The following SLC24A3 variants were observed in gnomAD, a reference collection of about 807,000 sequenced individuals.
SLC24A3 encodes the protein sodium/potassium/calcium exchanger 3.
In SLC24A3, 28 loss-of-function variants were observed where a neutral mutation model predicts 75.8. That is an observed-to-expected ratio of 0.37 (90% CI 0.27 to 0.51). The LOEUF is 0.51. SLC24A3 is among the 20% of genes least tolerant of loss of function. The probability of loss-of-function intolerance (pLI) is 0.94; values close to 1 mark genes in which losing one functional copy is unlikely to be tolerated. For synonymous variants in SLC24A3, 372 were observed against 334.1 expected (o/e 1.11, Z -1.24); for missense variants, 663 against 847.8 (o/e 0.78, Z 2.71).
At chr20:19,447,484 C>T (rs1002045798) in intron 2 of SLC24A3, among the ~76,000 whole-genome samples, 1 of 152,042 alleles carries the variant, frequency 6.6e-6, no homozygotes, top group African/African-American at 2.4e-5. Flanking sequence ...TGAACAGGTG[C>T]AGTTATGGGA....
At chr20:19,486,346 G>GA (rs1272207374) in intron 2 of SLC24A3, among the ~76,000 whole-genome samples, 1 of 152,200 alleles carries the variant, frequency 6.6e-6, no homozygotes, top group Non-Finnish European at 1.5e-5. Flanking sequence ...ACTGTGGTGT[G>GA]TCTTGATGGT....
At chr20:19,474,722 T>C (rs1221408999) in intron 2 of SLC24A3, among the ~76,000 whole-genome samples, 1 of 152,236 alleles carries the variant, frequency 6.6e-6, no homozygotes, top group Non-Finnish European at 1.5e-5. Context: ...GTTGGAATTT[T>C]TTTGTGTGTG....
intron 15 of SLC24A3, among the ~76,000 whole-genome samples, chr20:19,704,418 T>C: frequency 6.6e-6 from 1 of 152,188 alleles, no homozygotes; most frequent in East Asian, 1.9e-4. Flanking sequence ...CAACCAGGGC[T>C]TATTATGCAC....
chr20:19,362,497 T>G (rs2122342550), intron 2 of SLC24A3, among the ~76,000 whole-genome samples: 1 of 152,334 alleles, frequency 6.6e-6, no homozygotes, highest in South Asian at 2.1e-4. Flanking sequence ...CAAAGCAGAT[T>G]AAAGGGCCTG....
chr20:19,607,529 A>G (rs542794396), intron 6 of SLC24A3, among the ~76,000 whole-genome samples: 1 of 152,312 alleles, frequency 6.6e-6, no homozygotes, highest in East Asian at 1.9e-4. Flanking sequence ...TCATTAATGT[A>G]CCATTTCACC....
intron 1 of SLC24A3, among the ~76,000 whole-genome samples, chr20:19,263,862 T>G (rs936554521): frequency 4.6e-5 from 7 of 152,220 alleles, no homozygotes; most frequent in African/African-American, 1.4e-4. Flanking sequence ...CAGTTCTGTC[T>G]TTCTCACTGT....
chr20:19,480,408 C>A (rs1988034494), intron 2 of SLC24A3, among the ~76,000 whole-genome samples: 1 of 152,186 alleles, frequency 6.6e-6, no homozygotes, highest in Admixed American at 6.5e-5. Context: ...CCACTCTTAC[C>A]CAGCTGAGCC....
chr20:19,664,898 T>C (rs1318192649), intron 7 of SLC24A3, among the ~76,000 whole-genome samples: 2 of 152,206 alleles, frequency 1.3e-5, no homozygotes. Flanking sequence ...GGACACCAAA[T>C]TCGGAGCTGG....
At chr20:19,214,183 A>C (rs73277055) in intron 1 of SLC24A3, among the ~76,000 whole-genome samples, 1,628 of 152,242 alleles carry the variant, frequency 0.011, 27 homozygotes, top group African/African-American at 0.038. Flanking sequence ...AGACCGCTTG[A>C]CAGACTTCAT....
At chr20:19,257,929 C>T (rs1370596604) in intron 1 of SLC24A3, among the ~76,000 whole-genome samples, 2 of 152,164 alleles carry the variant, frequency 1.3e-5, no homozygotes, top group African/African-American at 4.8e-5. Flanking sequence ...GCACGTAAGC[C>T]GTCCTCTCAT....
In SLC24A3 at chr20:19,585,557, G is replaced by A; in HGVS notation, c.612+13G>A. ...CTTTGCTGGGCAGGTAAGACTGGCGGCTTCTTTGTGATGGCAAAATGTGAC... is the reference window on the plus strand; with the variant it reads ...CTTTGCTGGGCAGGTAAGACTGGCGACTTCTTTGTGATGGCAAAATGTGAC... On this transcript the variant is annotated intron_variant, in intron 6 of 16. Coordinates refer to ENST00000328041, the MANE Select transcript of SLC24A3 (RefSeq NM_020689.4). 6.2e-7 allele frequency: 1 copy of A among 1,611,178 alleles called. No individual in the cohort carries two copies. The highest frequency in any genetic ancestry group is 8.5e-7 in the Non-Finnish European group (1 of 1,178,296).
chr20:19,232,246 A>G (rs6081541), intron 1 of SLC24A3, among the ~76,000 whole-genome samples: 31,397 of 152,192 alleles, frequency 0.21, 3,607 homozygotes, highest in South Asian at 0.33. Flanking sequence ...ATTTCCATTT[A>G]AGGATCAAAC....
chr20:19,720,885 G>A, intron 16 of SLC24A3, 106 bp from the exon 17 acceptor site: 1 of 1,307,220 alleles, frequency 7.6e-7, no homozygotes, highest in Non-Finnish European at 1.1e-6. Context: ...CCTGCCCGAG[G>A]CCCATAGTCA....
At chr20:19,704,766 C>T (rs184554845) in intron 15 of SLC24A3, among the ~76,000 whole-genome samples, 63 of 152,092 alleles carry the variant, frequency 4.1e-4, no homozygotes, top group African/African-American at 1.3e-3. Flanking sequence ...GCAAAGGCGT[C>T]GAGGCAGGAT....
chr20:19,449,843 C>T (rs1987451035), intron 2 of SLC24A3, among the ~76,000 whole-genome samples: 1 of 152,186 alleles, frequency 6.6e-6, no homozygotes, highest in Non-Finnish European at 1.5e-5. Context: ...ATAGAGTGTT[C>T]ATTCCAGATA....
At chr20:19,693,617 A>C in intron 13 of SLC24A3, 192 bp downstream of exon 13, 1 of 626,232 alleles carries the variant, frequency 1.6e-6, no homozygotes, top group Non-Finnish European at 2.5e-6. Context: ...CTTCATGTTG[A>C]CTGTGGATTC....
In SLC24A3 at chr20:19,395,804, G is replaced by A. The variant is rs560686349; in HGVS notation, c.271+114717G>A. On this transcript the variant is annotated intron_variant, in intron 2 of 16. Coordinates refer to ENST00000328041, the MANE Select transcript of SLC24A3 (RefSeq NM_020689.4). ...TGTGAAAAGGCATGGGGTTGTAAAA[G>A]GTTGTGTGTACTTGGGGAATAATGA... 2.3e-4 allele frequency among the ~76,000 whole-genome samples: 35 copies of A among 152,300 alleles called. No homozygotes were observed. In the South Asian group the frequency reaches 6.6e-3, roughly 29 times the overall value.
chr20:19,417,427 A>G (rs553200213), intron 2 of SLC24A3, among the ~76,000 whole-genome samples: 1 of 152,224 alleles, frequency 6.6e-6, no homozygotes, highest in Non-Finnish European at 1.5e-5. Context: ...AGAGGTGTCA[A>G]CTCAGTTGTA....
At chr20:19,292,730 G>A (rs1390667383) in intron 2 of SLC24A3, among the ~76,000 whole-genome samples, 1 of 152,244 alleles carries the variant, frequency 6.6e-6, no homozygotes, top group African/African-American at 2.4e-5. Flanking sequence ...CCTTCTTGTC[G>A]TAGTCTGCTC....
Sources: allele counts gnomAD v4.1 joint callset (sites outside exome capture counted in the v4.1 genomes callset), GRCh38; gene constraint gnomAD v4.1.1; transcripts MANE v1.5; gene names NCBI Gene and HGNC (gene_info 2026-07-23, HGNC 2026-07-21).